ASPH: variants seen among roughly 807,000 people sequenced by gnomAD.
ASPH encodes aspartate beta-hydroxylase.
ASPH carries 100 observed loss-of-function variants against 118.4 expected under a neutral mutation model. The ratio of observed to expected loss-of-function variants is 0.84; its 90% CI spans 0.72 to 1.00. The LOEUF (loss-of-function observed/expected upper bound fraction) is 1.00, where lower values mean the gene tolerates loss of function less well. Among genes scored for constraint, ASPH ranks in the 50% least tolerant of loss-of-function variants. The pLI is 0.00. For missense variants in ASPH, 920 were observed against 919.5 expected (o/e 1.00, Z -0.01); for synonymous variants, 315 against 325.6 (o/e 0.97, Z 0.35).
At chr8:61,641,065 T>C (rs1453807519) in intron 10 of ASPH, among the ~76,000 whole-genome samples, 1 of 152,230 alleles carries the variant, frequency 6.6e-6, no homozygotes, top group Non-Finnish European at 1.5e-5. Context: ...TAATACACTG[T>C]TCAATTAGAT....
At chr8:61,584,969 T>C (rs1838902054) in intron 14 of ASPH, among the ~76,000 whole-genome samples, 1 of 152,258 alleles carries the variant, frequency 6.6e-6, no homozygotes, top group Non-Finnish European at 1.5e-5. Context: ...CTCCACTGTG[T>C]GCGTCTTTAA....
intron 21 of ASPH, among the ~76,000 whole-genome samples, chr8:61,547,258 T>G (rs1226033035): frequency 1.3e-5 from 2 of 152,230 alleles, no homozygotes; most frequent in African/African-American, 4.8e-5. Context: ...ACCTTCCAAT[T>G]ATTTTTATAG....
chr8:61,570,131 T>C (rs748401942), intron 16 of ASPH, among the ~76,000 whole-genome samples: 1 of 152,208 alleles, frequency 6.6e-6, no homozygotes, highest in South Asian at 2.1e-4. Flanking sequence ...CTGAACATCA[T>C]AGCTTAGCAG....
At chr8:61,507,029 A>C (rs1806859747) in intron 24 of ASPH, among the ~76,000 whole-genome samples, 1 of 152,228 alleles carries the variant, frequency 6.6e-6, no homozygotes, top group Non-Finnish European at 1.5e-5. Flanking sequence ...AGAAAATTCT[A>C]GCCCACACAA....
At chr8:61,505,308 A>G (rs1439010121) in intron 24 of ASPH, among the ~76,000 whole-genome samples, 2 of 152,176 alleles carry the variant, frequency 1.3e-5, no homozygotes, top group South Asian at 4.1e-4. Flanking sequence ...AGCCTGGCCA[A>G]CATGGTGAAA....
chr8:61,624,849 A>T (rs1852172971), intron 13 of ASPH: 1 of 985,638 alleles, frequency 1.0e-6, no homozygotes, highest in South Asian at 4.7e-5. Context: ...GTTTTATTAT[A>T]ATTTGAGTAT....
At chr8:61,637,826 C>T (rs1276096628) in intron 12 of ASPH, 121 bp downstream of exon 12, 7 of 907,652 alleles carry the variant, frequency 7.7e-6, no homozygotes, top group African/African-American at 7.0e-5. Context: ...TTTCTTCCCT[C>T]TTGTACTCCT....
intron 8 of ASPH, 102 bp downstream of exon 8, chr8:61,643,843 G>T: frequency 1.2e-6 from 1 of 868,818 alleles, no homozygotes; most frequent in East Asian, 2.6e-5. Flanking sequence ...ATACCATACA[G>T]GGATCTCTGT....
chr8:61,680,277 G>C (rs1208668097), intron 3 of ASPH, among the ~76,000 whole-genome samples: 1 of 151,724 alleles, frequency 6.6e-6, no homozygotes, highest in African/African-American at 2.4e-5. Flanking sequence ...CAAAAGCAAA[G>C]GAAGTCTCAC....
chr8:61,550,187 T>G (rs970897130), intron 20 of ASPH, among the ~76,000 whole-genome samples: 3 of 152,036 alleles, frequency 2.0e-5, no homozygotes, highest in Non-Finnish European at 4.4e-5. Flanking sequence ...CTAAACTACT[T>G]TACAATAAAA....
chr8:61,586,089 C>G (rs998474682), intron 14 of ASPH, among the ~76,000 whole-genome samples: 2 of 152,062 alleles, frequency 1.3e-5, no homozygotes, highest in African/African-American at 4.8e-5. Context: ...AGTTGATGCC[C>G]TCCTCCTTCC....
chr8:61,643,119 C>T (rs977489830), intron 9 of ASPH, among the ~76,000 whole-genome samples, 199 bp from the exon 10 acceptor site: 3 of 152,140 alleles, frequency 2.0e-5, no homozygotes, highest in Admixed American at 1.3e-4. Context: ...TAAAATTTCT[C>T]AAATTGGCAC....
rs143327706 is a variant in ASPH, at chr8:61,517,659, G to A, written c.1995C>T (p.Ile665=). 1.2e-6 allele frequency: 2 copies of A among 1,613,708 alleles called. No individual in the cohort carries two copies. The highest frequency in any genetic ancestry group is 1.7e-6 in the Non-Finnish European group (2 of 1,179,694). ...TCCCGGGGTGCATGATGGAATATTT[G>A]ATCTGCATAGAAAACATGACACTCC... The part of the protein sequence containing the change: ...PETTGCRRGQ[I]KYSIMHPGTH... The change falls in exon 24 of 25, where the codon ATC becomes ATT. Residue 665 remains isoleucine, a splice_region_variant and synonymous_variant. Transcript: ENST00000379454.
At chr8:61,689,827 T>C in intron 1 of ASPH, 1 of 1,422,554 alleles carries the variant, frequency 7.0e-7, no homozygotes, top group Non-Finnish European at 9.2e-7. Context: ...ATCCCTGCAC[T>C]GTAAGGGCCT....
intron 5 of ASPH, among the ~76,000 whole-genome samples, chr8:61,648,338 G>T (rs1226484700): frequency 4.6e-5 from 7 of 152,126 alleles, no homozygotes; most frequent in Admixed American, 4.6e-4. Flanking sequence ...CTTTAGCGTG[G>T]CAAGGCAATG....
intron 12 of ASPH, 41 bp downstream of exon 12, chr8:61,637,906 C>T: frequency 6.5e-7 from 1 of 1,547,806 alleles, no homozygotes; most frequent in Non-Finnish European, 8.9e-7. Flanking sequence ...AAACACAATT[C>T]TCATATGGAA....
At chr8:61,569,308 G>T (rs1832757455) in intron 16 of ASPH, among the ~76,000 whole-genome samples, 1 of 152,196 alleles carries the variant, frequency 6.6e-6, no homozygotes, top group South Asian at 2.1e-4. Context: ...GCTACAATCT[G>T]AAGCCTATTA....
intron 13 of ASPH, chr8:61,626,195 A>G: frequency 7.0e-7 from 1 of 1,419,788 alleles, no homozygotes; most frequent in Non-Finnish European, 9.2e-7. Flanking sequence ...TTGCTTCACA[A>G]GATCTATCAC....
rs1392686960 is a variant in ASPH at position 61,579,246 on chromosome 8, G to A, written c.1063-2388C>T. 3 of 1,613,884 alleles carry A rather than the reference G, an allele frequency of 1.9e-6. No individual in the cohort carries two copies. In the African/African-American group the frequency reaches 4.0e-5, roughly 22 times the overall value. On this transcript the variant is annotated intron_variant, in intron 15 of 24. Transcript: ENST00000379454. ...CATTGCAGATGCCGAGCAGCGTGGA[G>A]AGCTGGCCATTAAGGATGCCAACGC...
Sources: gnomAD v4.1 joint callset for allele counts (sites outside exome capture counted in the v4.1 genomes callset) on GRCh38, gnomAD v4.1.1 for gene constraint, MANE v1.5 for transcripts, NCBI Gene and HGNC (gene_info 2026-07-23, HGNC 2026-07-21) for gene names.